The following LRP4 variants were observed in gnomAD, a reference collection of about 807,000 sequenced individuals.
LRP4 encodes the protein low-density lipoprotein receptor-related protein 4.
LRP4 carries 95 observed loss-of-function variants against 220.3 expected under a neutral mutation model. That is an observed-to-expected ratio of 0.43 (90% CI 0.37 to 0.51). The LOEUF (loss-of-function observed/expected upper bound fraction) is 0.51, where lower values mean the gene tolerates loss of function less well. Among genes scored for constraint, LRP4 ranks in the 20% least tolerant of loss-of-function variants. LRP4 has a pLI of 0.00. For synonymous variants in LRP4, 903 were observed against 954.6 expected, an observed-to-expected ratio of 0.95 and a Z score of 1.00; for missense variants, 1,925 against 2,567.0, an observed-to-expected ratio of 0.75 and a Z score of 5.40.
At chr11:46,869,253 C>G in intron 31 of LRP4, 121 bp from the exon 32 acceptor site, 2 of 928,748 alleles carry the variant, frequency 2.2e-6, no homozygotes, top group South Asian at 1.4e-5. Context: ...TTCATCTCTT[C>G]CTCATTTCTG....
rs12273360 is a variant in LRP4, at chr11:46,868,168, T to C, written c.4952-54A>G. Reference sequence around the variant, plus strand: ...CACTGGAACCATAAACATCTACATATGGCCCAAGAGTAGCAGCTGGAGAAC... The same window carrying C: ...CACTGGAACCATAAACATCTACATACGGCCCAAGAGTAGCAGCTGGAGAAC... On this transcript the variant is annotated intron_variant, in intron 33 of 37. Transcript: ENST00000378623. The C allele has an allele frequency of 0.094, 151,871 of 1,609,820 alleles. 9,968 individuals carry two copies. The highest frequency in any genetic ancestry group is 0.33 in the African/African-American group (24,604 of 74,866).
chr11:46,904,565 A>T (rs1941728196), intron 1 of LRP4, among the ~76,000 whole-genome samples: 1 of 152,160 alleles, frequency 6.6e-6, no homozygotes, highest in Non-Finnish European at 1.5e-5. Context: ...CCCTGATGCT[A>T]CAGGTATAAT....
rs748565005 is a variant in LRP4 at position 46,859,626 on chromosome 11, ACT to A, written c.5386-313_5386-312del. Among the ~76,000 whole-genome samples, 99 of 152,002 alleles carry A rather than the reference ACT, an allele frequency of 6.5e-4. 1 individual carries two copies. The highest frequency in any genetic ancestry group is 1.6e-3 in the African/African-American group (65 of 41,462). On this transcript the variant is annotated intron_variant, in intron 37 of 37. Coordinates refer to ENST00000378623, the MANE Select transcript of LRP4 (RefSeq NM_002334.4). ...CATTTCTAAAACTCAGTCTCTTAAG[ACT>A]CTGCAGTGTGAGGAGAGTAACAGTA...
In LRP4 at chr11:46,905,580, G is replaced by C. The variant is rs575040136; in HGVS notation, c.53-2651C>G. Among the ~76,000 whole-genome samples the C allele has an allele frequency of 2.6e-5, 4 of 152,310 alleles. 1 individual carries two copies. The highest frequency in any genetic ancestry group is 2.6e-4 in the Admixed American group (4 of 15,296). On this transcript the variant is annotated intron_variant, in intron 1 of 37. Transcript: ENST00000378623. ...TCTATAACGTGTATAATTCTATACA[G>C]GATTACACGCCTGTAATCCCAGCAC...
chr11:46,902,729 C>A, intron 2 of LRP4, 54 bp downstream of exon 2: 1 of 1,608,404 alleles, frequency 6.2e-7, no homozygotes, highest in Non-Finnish European at 8.5e-7. Context: ...GTCCTTGCCC[C>A]CCACCCCCAG....
chr11:46,875,621 G>A lies in LRP4; in HGVS notation c.3760C>T (p.His1254Tyr), dbSNP rs1479377873. Reference protein sequence around the residue: ...NRHTLVSPVQHPYGLTLLDSY... With the variant: ...NRHTLVSPVQYPYGLTLLDSY... ...TCGAGCAGGGTGAGGCCATATGGGT[G>A]CTGCACCGGTGACACCAATGTATGC... The change falls in exon 27 of 38, where the codon CAC becomes TAC. Residue 1254 changes from histidine to tyrosine, a missense_variant. This residue lies in a region of LRP4 where 1,244 missense variants were observed against 1,624.9 expected (regional missense o/e 0.77). Transcript: ENST00000378623. This position sits in a 1 kb window ranked among gnomAD's most constrained non-coding sequence, Gnocchi z 4.5. 1.2e-6 allele frequency: 2 copies of A among 1,614,204 alleles called. No individual in the cohort carries two copies.
intron 1 of LRP4, among the ~76,000 whole-genome samples, chr11:46,917,237 C>G (rs969198396): frequency 6.6e-6 from 1 of 152,238 alleles, no homozygotes; most frequent in Non-Finnish European, 1.5e-5. Flanking sequence ...CAGGCAGGGT[C>G]TCCAGACCCC....
In LRP4 at chr11:46,878,937, G is replaced by A. The variant is rs1003068582; in HGVS notation, c.3106C>T (p.Leu1036=). The change falls in exon 22 of 38, where the codon CTG becomes TTG. Residue 1036 remains leucine, a synonymous_variant. Transcript: ENST00000378623. ...FSCTCPTGIN[L]LSDGKTCSPG... ...GAGCAGGTCTTGCCATCAGACAGCA[G>A]GTTGATGCCTGTGGGGCAGGTACAG... is the stretch of plus-strand genomic sequence containing the variant. The A allele has an allele frequency of 1.9e-6, 3 of 1,614,136 alleles. No homozygotes were observed. The highest frequency in any genetic ancestry group is 2.5e-6 in the Non-Finnish European group (3 of 1,180,062).
At chr11:46,881,239 A>T (rs1010375172) in intron 20 of LRP4, among the ~76,000 whole-genome samples, 5 of 152,186 alleles carry the variant, frequency 3.3e-5, no homozygotes, top group Non-Finnish European at 7.3e-5. Context: ...GTTCCAAAAA[A>T]TAATAGTGAG....
In LRP4 at chr11:46,889,484, C is replaced by A. The variant is rs1347257826; in HGVS notation, c.2142G>T (p.Leu714=). Reference sequence around the variant, plus strand: ...CACAGGTGTAGTTCTGGCCACTGGGCAGACACAGGTGCGTGCAGCCTCCGT... The same window carrying A: ...CACAGGTGTAGTTCTGGCCACTGGGAAGACACAGGTGCGTGCAGCCTCCGT... ...DNNGGCTHLC[L]PSGQNYTCAC... Residue 714 remains leucine (L), a synonymous_variant, in exon 16 of 38, where the codon CTG becomes CTT. Coordinates refer to ENST00000378623, the MANE Select transcript of LRP4 (RefSeq NM_002334.4). 7.4e-6 allele frequency: 12 copies of A among 1,614,142 alleles called. No individual in the cohort carries two copies. Among genetic ancestry groups the A allele is most frequent in the Non-Finnish European group, 1.0e-5 (12 of 1,180,044 alleles).
chr11:46,917,799 C>A (rs1941971554), intron 1 of LRP4, among the ~76,000 whole-genome samples: 2 of 152,246 alleles, frequency 1.3e-5, no homozygotes, highest in South Asian at 4.1e-4. Context: ...GGGAGCAAGA[C>A]CTGGAGTCCG....
At position 46,875,842 on chromosome 11, in the gene LRP4, C is replaced by T. The variant is rs868576807; in HGVS notation, c.3661G>A (p.Ala1221Thr). ...TCGGCCCATAGCAGTTGGGAGCTGG[C>T]CTTGTCCACAGTCAGTCCATTGGGC... ...GWPNGLTVDK[A>T]SSQLLWADAH... is the part of the protein sequence containing the mutation. Residue 1221 changes from alanine (A) to threonine (T), a missense_variant, in exon 26 of 38, where the codon GCC (alanine) becomes ACC (threonine). Physicochemically the swap from Ala to Thr is moderately conservative, Grantham distance 58. Transcript: ENST00000378623. This position sits in a 1 kb window ranked among gnomAD's most constrained non-coding sequence, Gnocchi z 4.5. 6.2e-7 allele frequency: 1 copy of T among 1,614,088 alleles called. No individual in the cohort carries two copies. Among genetic ancestry groups the T allele is most frequent in the East Asian group, 2.2e-5 (1 of 44,862 alleles).
At chr11:46,863,933 A>G (rs181641757) in intron 36 of LRP4, among the ~76,000 whole-genome samples, 2 of 152,318 alleles carry the variant, frequency 1.3e-5, no homozygotes, top group Admixed American at 1.3e-4. Context: ...ACTGTAAGCT[A>G]CGTTTAAAGC....
chr11:46,894,523 A>T, intron 12 of LRP4, 66 bp downstream of exon 12: 1 of 1,300,288 alleles, frequency 7.7e-7, no homozygotes, highest in Non-Finnish European at 1.1e-6. Context: ...CCACTGGCCT[A>T]TTCCTCCCAC....
intron 28 of LRP4, among the ~76,000 whole-genome samples, 192 bp downstream of exon 28, chr11:46,874,607 CA>C (rs1364400562): frequency 6.6e-6 from 1 of 152,110 alleles, no homozygotes; most frequent in Non-Finnish European, 1.5e-5. Flanking sequence ...ACTAGGCTTC[CA>C]TATAATCTCT....
intron 1 of LRP4, among the ~76,000 whole-genome samples, chr11:46,909,430 C>T (rs1941816220): frequency 1.5e-5 from 1 of 67,034 alleles, no homozygotes; most frequent in African/African-American, 5.9e-5. Context: ...CAAGGTGAAA[C>T]CCCGTCTCTA....
chr11:46,895,442 G>T, intron 10 of LRP4, 151 bp from the exon 11 acceptor site: 12 of 1,046,610 alleles, frequency 1.1e-5, no homozygotes, highest in Non-Finnish European at 1.7e-5. Flanking sequence ...GCGGCCGGGC[G>T]TGGTGGCGCA....
At chr11:46,914,257 G>A (rs1941913995) in intron 1 of LRP4, among the ~76,000 whole-genome samples, 1 of 152,122 alleles carries the variant, frequency 6.6e-6, no homozygotes, top group Admixed American at 6.6e-5. Context: ...TTTTGCACAG[G>A]GTCACCAAGA....
At position 46,886,365 on chromosome 11, in the gene LRP4, TCAGTGCTGA is replaced by T; in HGVS notation, c.2375_2383del (p.Val792_Thr794del). 6.2e-7 allele frequency: 1 copy of T among 1,601,786 alleles called. No homozygotes were observed. Among genetic ancestry groups the T allele is most frequent in the East Asian group, 2.2e-5 (1 of 44,684 alleles). ...ATCCCACTTGGCCCTGCTGATGGTA[TCAGTGCTGA>T]CATCTGTCCAGTACACGTGGTCATC... On this transcript the variant is annotated inframe_deletion, in exon 17 of 38. Transcript: ENST00000378623.
Sources: allele counts gnomAD v4.1 joint callset (sites outside exome capture counted in the v4.1 genomes callset), GRCh38; gene constraint gnomAD v4.1.1; regional missense constraint gnomAD v4.1.1; non-coding constraint Gnocchi (gnomAD v3.1); transcripts MANE v1.5; gene names NCBI Gene and HGNC (gene_info 2026-07-23, HGNC 2026-07-21).